Variants in ADGRF4 observed in about 807,000 individuals in gnomAD.
ADGRF4 encodes G-protein coupled receptor PGR18.
Under a neutral mutation model 58.5 loss-of-function variants are expected in ADGRF4, and 63 were observed. The observed-to-expected ratio is 1.08, with a 90% CI of 0.88 to 1.33. The LOEUF (loss-of-function observed/expected upper bound fraction) is 1.33. Ranked by LOEUF, ADGRF4 falls within the 40% of genes most tolerant of loss-of-function variation. The pLI is 0.00. For missense variants in ADGRF4, 931 were observed against 843.9 expected, an observed-to-expected ratio of 1.10 and a Z score of -1.28; for synonymous variants, 313 against 295.4, an observed-to-expected ratio of 1.06 and a Z score of -0.61.
Position 47,713,934 on chromosome 6 carries a change from A to G in ADGRF4, c.689A>G (p.Asn230Ser), listed in dbSNP as rs1771934005. 3.7e-6 allele frequency: 6 copies of G among 1,610,326 alleles called. No individual in the cohort carries two copies. The highest frequency in any genetic ancestry group is 1.7e-5 in the Admixed American group (1 of 59,414). ...LFARQLHIHN[N>S]SENIVNELFI... is the part of the protein sequence containing the mutation. The stretch of plus-strand genomic sequence containing the variant: ...GCCAGACAACTCCACATCCACAATA[A>G]TTCTGAGAACATTGTGAATGAACTC... Residue 230 changes from asparagine to serine, a missense_variant, in exon 6 of 10, where the codon AAT becomes AGT. Transcript: ENST00000283303.
At chr6:47,705,732 C>G (rs1394779795) in intron 1 of ADGRF4, among the ~76,000 whole-genome samples, 1 of 152,158 alleles carries the variant, frequency 6.6e-6, no homozygotes, top group Non-Finnish European at 1.5e-5. Context: ...CTGTCGGCTC[C>G]CTGGTCACTG....
chr6:47,713,302 G>T (rs1281393333), intron 5 of ADGRF4, among the ~76,000 whole-genome samples: 1 of 152,176 alleles, frequency 6.6e-6, no homozygotes, highest in Non-Finnish European at 1.5e-5. Context: ...TTTTTAAAAG[G>T]GAGATCTGTA....
rs147818832 is a variant in ADGRF4, at chr6:47,714,544, G to A, written c.1299G>A (p.Thr433=). 79 of 1,613,968 alleles carry A rather than the reference G, an allele frequency of 4.9e-5. No homozygotes were observed. The highest frequency in any genetic ancestry group is 6.6e-5 in the South Asian group (6 of 91,070). Residue 433 remains threonine (T), a synonymous_variant, in exon 6 of 10, where the codon ACG becomes ACA. Coordinates refer to ENST00000283303, the MANE Select transcript of ADGRF4 (RefSeq NM_153838.5). ...CAGTGTGGTCCCGGGTGGTTGTGAC[G>A]GAGATATCATACATGCGTCACGTGT... The part of the protein sequence containing the change: ...EATVWSRVVV[T]EISYMRHVCI...
chr6:47,708,281 A>C lies in ADGRF4; in HGVS notation c.148+3A>C, dbSNP rs752156402. ...ACCCAAGACTGGAAGGATCCAAGGT[A>C]TGTGGCTATAGAACAGTCTTCATCC... On this transcript the variant is annotated splice_donor_region_variant and intron_variant, in intron 3 of 9. Coordinates refer to ENST00000283303, the MANE Select transcript of ADGRF4 (RefSeq NM_153838.5). The C allele has an allele frequency of 1.3e-5, 21 of 1,604,310 alleles. No individual in the cohort carries two copies. The African/African-American group carries it at 2.7e-4, about 20-fold the overall frequency.
rs373503396 is a variant in ADGRF4 at position 47,701,343 on chromosome 6, A to T, written c.-17+2549A>T. On this transcript the variant is annotated intron_variant, in intron 1 of 9. Transcript: ENST00000283303. ...AATCATGCACAGAAAGAGGCGGGTT[A>T]TGGAAGTGGAGGAGAAGGAACCTGC... 3.9e-5 allele frequency among the ~76,000 whole-genome samples: 6 copies of T among 152,142 alleles called. No individual in the cohort carries two copies. The East Asian group carries it at 9.6e-4, about 24-fold the overall frequency.
rs149554698 is a variant in ADGRF4, at chr6:47,714,295, T to A, written c.1050T>A (p.Val350=). Residue 350 remains valine (V), a synonymous_variant, in exon 6 of 10, where the codon GTT becomes GTA. Coordinates refer to ENST00000283303, the MANE Select transcript of ADGRF4 (RefSeq NM_153838.5). ...NKTRNARAQC[V]GWHSKKRRWD... ...CCCGCAATGCCAGAGCCCAGTGTGTTGGCTGGCACTCCAAGAAAAGGAGAT... is the reference window on the plus strand; with the variant it reads ...CCCGCAATGCCAGAGCCCAGTGTGTAGGCTGGCACTCCAAGAAAAGGAGAT... 2 of 1,614,162 alleles carry A rather than the reference T, an allele frequency of 1.2e-6. No individual in the cohort carries two copies. Among genetic ancestry groups the A allele is most frequent in the African/African-American group, 2.7e-5 (2 of 75,032 alleles).
In ADGRF4 at chr6:47,717,338, C is replaced by A. The variant is rs572583506; in HGVS notation, c.2021C>A (p.Ser674Ter). ...AGGATGTCTTCACTGAAGGGGAAATCGAGGGCAGCTGAGGTAAGCCTTCCC... is the reference window on the plus strand; with the variant it reads ...AGGATGTCTTCACTGAAGGGGAAATAGAGGGCAGCTGAGGTAAGCCTTCCC... Reference protein sequence around the residue: ...RMRMSSLKGKSRAAENASLGP... With the variant: ...RMRMSSLKGK The change falls in exon 8 of 10, where the codon TCG (serine) becomes TAG (stop). Residue 674 changes from serine (S) to a stop codon, truncating the protein, a stop_gained. Coordinates refer to ENST00000283303, the MANE Select transcript of ADGRF4 (RefSeq NM_153838.5). LOFTEE classifies it high-confidence loss of function. 2 of 1,611,042 alleles carry A rather than the reference C, an allele frequency of 1.2e-6. No homozygotes were observed. Among genetic ancestry groups the A allele is most frequent in the African/African-American group, 1.3e-5 (1 of 74,936 alleles).
chr6:47,715,617 T>C (rs1186274631), intron 6 of ADGRF4: 1 of 155,966 alleles, frequency 6.4e-6, no homozygotes, highest in Non-Finnish European at 1.4e-5. Flanking sequence ...CAGTCAGGAG[T>C]TCTCATACCT....
chr6:47,712,123 A>G (rs1039527236), intron 4 of ADGRF4, among the ~76,000 whole-genome samples: 5 of 152,166 alleles, frequency 3.3e-5, no homozygotes, highest in African/African-American at 1.2e-4. Flanking sequence ...CTGTCCTGAA[A>G]GCAAATTCCA....
At chr6:47,717,164 C>T (rs964620025) in intron 7 of ADGRF4, 128 bp from the exon 8 acceptor site, 4 of 741,530 alleles carry the variant, frequency 5.4e-6, no homozygotes, top group East Asian at 4.9e-5. Flanking sequence ...TTGTTACTTG[C>T]CAGTCACTAT....
chr6:47,706,721 G>A (rs1484537976), intron 1 of ADGRF4, among the ~76,000 whole-genome samples: 1 of 152,200 alleles, frequency 6.6e-6, no homozygotes, highest in Non-Finnish European at 1.5e-5. Flanking sequence ...CTGTCCAGCT[G>A]GATCATCTGG....
At chr6:47,719,127 T>C (rs189626373) in intron 9 of ADGRF4, among the ~76,000 whole-genome samples, 158 of 152,296 alleles carry the variant, frequency 1.0e-3, no homozygotes, top group African/African-American at 3.7e-3. Flanking sequence ...ACATCCTTTT[T>C]ATATTTCTTT....
intron 5 of ADGRF4, 25 bp from the exon 6 acceptor site, chr6:47,713,773 T>C (rs765351746): frequency 6.0e-6 from 9 of 1,499,408 alleles, no homozygotes; most frequent in Admixed American, 2.4e-5. Context: ...ATCCTTAGTA[T>C]AATGTTCACC....
rs775246826 is a variant in ADGRF4 at position 47,713,820 on chromosome 6, A to G, written c.575A>G (p.His192Arg). 1.3e-6 allele frequency: 2 copies of G among 1,560,194 alleles called. No homozygotes were observed. ...KMKSYSEVAN[H>R]ILDTAAISNW... The stretch of plus-strand genomic sequence containing the variant: ...CAGAGCTATAGTGAAGTGGCCAACC[A>G]CATCCTCGACACAGCAGCCATTTCA... The change falls in exon 6 of 10, where the codon CAC (histidine) becomes CGC (arginine). Residue 192 changes from histidine to arginine, a missense_variant. By Grantham distance (29) the His-to-Arg change is conservative. Transcript: ENST00000283303.
intron 5 of ADGRF4, among the ~76,000 whole-genome samples, chr6:47,712,942 G>A (rs1463099110): frequency 1.3e-5 from 2 of 152,158 alleles, no homozygotes; most frequent in African/African-American, 4.8e-5. Context: ...ATTGGTACCG[G>A]GCTGTGGCCT....
chr6:47,711,768 C>T (rs1771878216), intron 4 of ADGRF4, among the ~76,000 whole-genome samples: 1 of 152,164 alleles, frequency 6.6e-6, no homozygotes, highest in African/African-American at 2.4e-5. Flanking sequence ...AAAATTTTAA[C>T]AGTGGTTTTA....
chr6:47,715,224 C>CA (rs762508107), intron 6 of ADGRF4, 47 bp downstream of exon 6: 20 of 1,296,682 alleles, frequency 1.5e-5, no homozygotes, highest in Non-Finnish European at 1.9e-5. Flanking sequence ...GACTAGACCA[C>CA]AAAAAAATGG....
At chr6:47,704,333 A>C (rs560928638) in intron 1 of ADGRF4, among the ~76,000 whole-genome samples, 1 of 152,264 alleles carries the variant, frequency 6.6e-6, no homozygotes, top group East Asian at 1.9e-4. Context: ...ACCCGGCAGC[A>C]GGTGCTATTC....
chr6:47,702,156 A>G (rs1418419462), intron 1 of ADGRF4, among the ~76,000 whole-genome samples: 1 of 152,174 alleles, frequency 6.6e-6, no homozygotes, highest in Non-Finnish European at 1.5e-5. Flanking sequence ...TCTGATTATC[A>G]AGTGAATTGG....
Sources: allele counts gnomAD v4.1 joint callset (sites outside exome capture counted in the v4.1 genomes callset), GRCh38; gene constraint gnomAD v4.1.1; transcripts MANE v1.5; gene names NCBI Gene and HGNC (gene_info 2026-07-23, HGNC 2026-07-21).